Variants in FRMD4A observed in about 807,000 individuals in gnomAD.
The protein encoded by FRMD4A is FERM domain containing 4A.
In FRMD4A, 29 loss-of-function variants were observed where a neutral mutation model predicts 129.1. The ratio of observed to expected loss-of-function variants is 0.22; its 90% CI spans 0.17 to 0.31. The LOEUF is 0.31. Among genes scored for constraint, FRMD4A ranks in the 10% least tolerant of loss-of-function variants. The pLI is 1.00. For synonymous variants in FRMD4A, 634 were observed against 571.6 expected (o/e 1.11, Z -1.56); for missense variants, 1,272 against 1,375.8 (o/e 0.92, Z 1.19).
At position 13,685,737 on chromosome 10, in the gene FRMD4A, G is replaced by A. The variant is rs538098690; in HGVS notation, c.1117+8161C>T. Reference sequence around the variant, plus strand: ...GCAGGAGGATCGCTTAAGCCCAGGAGTTTGAGGCTGGAGTGAGCTAGCATT... The same window carrying A: ...GCAGGAGGATCGCTTAAGCCCAGGAATTTGAGGCTGGAGTGAGCTAGCATT... On this transcript the variant is annotated intron_variant, in intron 15 of 24. Coordinates refer to ENST00000357447, the MANE Select transcript of FRMD4A (RefSeq NM_018027.5). The A allele has an allele frequency of 9.2e-4, 484 of 528,740 alleles. 5 individuals are homozygous for A. In the African/African-American group the frequency reaches 9.5e-3, roughly 10 times the overall value. The allele number at this position is 528,740 out of a possible 1,614,324, so 32.8% of individuals were successfully genotyped here. A position where few individuals can be genotyped will look rare whatever the true frequency, so the allele number is the denominator to read the frequency against.
At chr10:13,774,015 A>G (rs1279935990) in intron 6 of FRMD4A, among the ~76,000 whole-genome samples, 1 of 152,118 alleles carries the variant, frequency 6.6e-6, no homozygotes, top group African/African-American at 2.4e-5. Context: ...CGGGACTCAC[A>G]TTTCTAAATG....
At chr10:14,052,696 T>C (rs1454085918) in intron 2 of FRMD4A, among the ~76,000 whole-genome samples, 1 of 151,778 alleles carries the variant, frequency 6.6e-6, no homozygotes, top group Non-Finnish European at 1.5e-5. Flanking sequence ...GTAGCTGGGA[T>C]TTCAGGTGCT....
intron 2 of FRMD4A, among the ~76,000 whole-genome samples, chr10:14,240,615 C>A (rs191561644): frequency 4.6e-5 from 7 of 152,292 alleles, no homozygotes; most frequent in African/African-American, 1.7e-4. Context: ...CCCATTATAA[C>A]TTCCCTTGTA....
intron 2 of FRMD4A, among the ~76,000 whole-genome samples, chr10:13,957,329 C>T (rs1482294016): frequency 2.0e-5 from 3 of 152,320 alleles, no homozygotes; most frequent in African/African-American, 7.2e-5. Context: ...TCTGGGCTTA[C>T]TGCAATCTCT....
chr10:14,128,548 C>T (rs1469517675), intron 2 of FRMD4A, among the ~76,000 whole-genome samples: 3 of 152,162 alleles, frequency 2.0e-5, no homozygotes, highest in African/African-American at 4.8e-5. Flanking sequence ...ATTTGCCATG[C>T]TTTTCCTGTG....
At chr10:13,973,782 AAAGGGAGGGAG>A (rs2095530304) in intron 2 of FRMD4A, among the ~76,000 whole-genome samples, 1 of 119,758 alleles carries the variant, frequency 8.4e-6, no homozygotes, top group African/African-American at 5.9e-5. Flanking sequence ...AGGGAGGGTG[AAAGGGAGGGAG>A]GGTGAAGAGT....
chr10:13,920,871 C>A (rs1283934205), intron 2 of FRMD4A, among the ~76,000 whole-genome samples: 1 of 152,080 alleles, frequency 6.6e-6, no homozygotes, highest in Non-Finnish European at 1.5e-5. Flanking sequence ...TACACAGGTG[C>A]TTCAATAGTA....
intron 15 of FRMD4A, among the ~76,000 whole-genome samples, chr10:13,685,909 A>G (rs769974065): frequency 1.2e-4 from 18 of 152,184 alleles, no homozygotes; most frequent in Admixed American, 2.0e-4. Flanking sequence ...ACCTCAGGGG[A>G]TAAATATAGC....
At chr10:13,880,742 C>T (rs2094537488) in intron 2 of FRMD4A, among the ~76,000 whole-genome samples, 1 of 152,136 alleles carries the variant, frequency 6.6e-6, no homozygotes, top group Non-Finnish European at 1.5e-5. Context: ...GGCTTACCTC[C>T]TCACATCCTT....
intron 2 of FRMD4A, among the ~76,000 whole-genome samples, chr10:14,073,365 G>C (rs763134995): frequency 6.6e-6 from 1 of 152,152 alleles, no homozygotes; most frequent in Non-Finnish European, 1.5e-5. Context: ...GGGTGTTCTA[G>C]GTCATGAAGA....
rs150006183 is a variant in FRMD4A at position 13,860,820 on chromosome 10, C to G, written c.46-1908G>C. Among the ~76,000 whole-genome samples the G allele has an allele frequency of 4.0e-3, 612 of 152,118 alleles. 3 individuals are homozygous for G. The highest frequency in any genetic ancestry group is 0.014 in the African/African-American group (587 of 41,482). On this transcript the variant is annotated intron_variant, in intron 2 of 24. Coordinates refer to ENST00000357447, the MANE Select transcript of FRMD4A (RefSeq NM_018027.5). ...TTTAGACAGAGTCTTGCTCTGTTGT[C>G]CAGGCTGGGGTGCAGTGGTATGATC...
intron 2 of FRMD4A, among the ~76,000 whole-genome samples, chr10:14,226,574 G>A (rs1843443701): frequency 1.3e-5 from 2 of 152,128 alleles, no homozygotes; most frequent in South Asian, 4.2e-4. Flanking sequence ...CTTCTGGGCT[G>A]GTAGATGGCC....
chr10:13,926,048 T>C (rs1026140664), intron 2 of FRMD4A, among the ~76,000 whole-genome samples: 4 of 152,162 alleles, frequency 2.6e-5, no homozygotes, highest in African/African-American at 9.7e-5. Flanking sequence ...TCATCGTGTG[T>C]GGTTCAAGGA....
intron 2 of FRMD4A, among the ~76,000 whole-genome samples, chr10:13,970,250 G>T (rs148760182): frequency 2.6e-5 from 4 of 152,268 alleles, no homozygotes; most frequent in African/African-American, 9.6e-5. Context: ...TCAAGCACGA[G>T]AATTCTAGAA....
At chr10:14,059,405 G>C (rs1165200446) in intron 2 of FRMD4A, among the ~76,000 whole-genome samples, 1 of 152,186 alleles carries the variant, frequency 6.6e-6, no homozygotes, top group Non-Finnish European at 1.5e-5. Flanking sequence ...TATCATATGG[G>C]TGAGGCCCTG....
chr10:14,203,753 T>C (rs1021174636), intron 2 of FRMD4A, among the ~76,000 whole-genome samples: 3 of 152,246 alleles, frequency 2.0e-5, no homozygotes, highest in African/African-American at 4.8e-5. Context: ...AGGGGAATTA[T>C]GCTAATGGGA....
intron 2 of FRMD4A, among the ~76,000 whole-genome samples, chr10:13,975,275 G>A (rs1002027111): frequency 1.3e-5 from 2 of 151,516 alleles, no homozygotes; most frequent in Admixed American, 6.6e-5. Flanking sequence ...GTCTGTGTCT[G>A]TGTATATGTC....
At chr10:14,109,249 A>G (rs1272470423) in intron 2 of FRMD4A, among the ~76,000 whole-genome samples, 3 of 151,584 alleles carry the variant, frequency 2.0e-5, no homozygotes, top group African/African-American at 7.3e-5. Flanking sequence ...GCTTCTCAGA[A>G]GAAGCAATGG....
chr10:14,190,417 G>A (rs963648946), intron 2 of FRMD4A, among the ~76,000 whole-genome samples: 1 of 152,128 alleles, frequency 6.6e-6, no homozygotes, highest in Non-Finnish European at 1.5e-5. Flanking sequence ...TGTTGCCCAG[G>A]CTGGAGTGCA....
Sources: gnomAD v4.1 joint callset for allele counts (sites outside exome capture counted in the v4.1 genomes callset) on GRCh38, gnomAD v4.1.1 for gene constraint, MANE v1.5 for transcripts, NCBI Gene and HGNC (gene_info 2026-07-23, HGNC 2026-07-21) for gene names.